BICDL1: variants seen among roughly 807,000 people sequenced by gnomAD.
BICDL1 encodes the protein BICD family like cargo adaptor 1, also known as BICD family-like cargo adapter 1.
A neutral mutation model predicts 76.8 loss-of-function variants in BICDL1; 20 were observed. That is an observed-to-expected ratio of 0.26 (90% CI 0.18 to 0.38). The LOEUF is 0.38. Among genes scored for constraint, BICDL1 ranks in the 10% least tolerant of loss-of-function variants. The pLI is 1.00. For synonymous variants in BICDL1, 383 were observed against 337.1 expected (o/e 1.14, Z -1.49); for missense variants, 700 against 798.6 (o/e 0.88, Z 1.49).
At chr12:120,064,239 A>C (rs1433023021) in intron 3 of BICDL1, among the ~76,000 whole-genome samples, 1 of 152,122 alleles carries the variant, frequency 6.6e-6, no homozygotes, top group African/African-American at 2.4e-5. Context: ...CTCTAGTGCC[A>C]GAGGGGCCAG....
intron 2 of BICDL1, among the ~76,000 whole-genome samples, chr12:120,009,881 T>C (rs185023986): frequency 1.7e-4 from 26 of 152,362 alleles, no homozygotes; most frequent in African/African-American, 5.5e-4. Flanking sequence ...TTTCTCTACA[T>C]TGGCATCTGG....
chr12:120,064,621 T>G (rs1953180195), intron 3 of BICDL1, 112 bp from the exon 4 acceptor site: 2 of 1,068,476 alleles, frequency 1.9e-6, no homozygotes, highest in Admixed American at 5.2e-5. Flanking sequence ...ACCGTGACAT[T>G]GGGCAGAATA....
intron 2 of BICDL1, among the ~76,000 whole-genome samples, chr12:120,028,089 C>T (rs1192024400): frequency 6.6e-6 from 1 of 152,150 alleles, no homozygotes; most frequent in Non-Finnish European, 1.5e-5. Context: ...TGAAGGCTAG[C>T]TGTTAAATGG....
At chr12:119,995,933 C>G (rs1223449887) in intron 1 of BICDL1, among the ~76,000 whole-genome samples, 1 of 151,634 alleles carries the variant, frequency 6.6e-6, no homozygotes, top group Non-Finnish European at 1.5e-5. Flanking sequence ...TTGCAGTGAG[C>G]CGAGATCATG....
intron 2 of BICDL1, among the ~76,000 whole-genome samples, chr12:120,032,935 T>C (rs1225702961): frequency 6.6e-6 from 1 of 151,724 alleles, no homozygotes; most frequent in Non-Finnish European, 1.5e-5. Context: ...TTAGTAGAGA[T>C]AGGGTTTCAC....
intron 1 of BICDL1, among the ~76,000 whole-genome samples, chr12:119,993,951 T>C (rs1264042075): frequency 6.6e-6 from 1 of 152,232 alleles, no homozygotes; most frequent in African/African-American, 2.4e-5. Context: ...TTTTAAAAAT[T>C]TCTTTTCATC....
chr12:119,999,786 C>G (rs1366371732), intron 2 of BICDL1: 1 of 445,432 alleles, frequency 2.2e-6, no homozygotes, highest in African/African-American at 2.0e-5. Context: ...ATTTACTATT[C>G]TACCTCAGCC....
At chr12:120,067,781 GA>G (rs1953252493) in intron 4 of BICDL1, among the ~76,000 whole-genome samples, 1 of 152,202 alleles carries the variant, frequency 6.6e-6, no homozygotes, top group Non-Finnish European at 1.5e-5. Context: ...AAATAATTGT[GA>G]AGCATTTTGC....
chr12:120,072,489 A>G (rs995313500), intron 5 of BICDL1, 22 bp from the exon 6 acceptor site: 33 of 1,611,712 alleles, frequency 2.0e-5, no homozygotes, highest in African/African-American at 9.3e-5. Flanking sequence ...TCTGAAATGA[A>G]TAGTAATTCT....
intron 2 of BICDL1, among the ~76,000 whole-genome samples, chr12:120,004,290 G>T (rs776849828): frequency 2.6e-5 from 4 of 152,036 alleles, no homozygotes; most frequent in Non-Finnish European, 4.4e-5. Context: ...CCTCTCCCCA[G>T]TTTCTCACAT....
intron 4 of BICDL1, among the ~76,000 whole-genome samples, chr12:120,065,636 G>C (rs1235201106): frequency 2.0e-5 from 3 of 152,202 alleles, no homozygotes; most frequent in Admixed American, 1.3e-4. Context: ...GGAGTGCATT[G>C]CTTCCCTTTG....
At chr12:120,045,636 G>A (rs1234196732) in intron 2 of BICDL1, among the ~76,000 whole-genome samples, 2 of 151,570 alleles carry the variant, frequency 1.3e-5, no homozygotes, top group Non-Finnish European at 2.9e-5. Flanking sequence ...GGATGAAATT[G>A]GAAATCATCA....
rs1268792865 is a variant in BICDL1 at position 120,094,368 on chromosome 12, G to GTAAA, written c.*1210_*1213dup. 9.0e-6 allele frequency: 4 copies of GTAAA among 445,078 alleles called. No individual in the cohort carries two copies. The highest frequency in any genetic ancestry group is 1.8e-5 in the Non-Finnish European group (4 of 219,978). The allele number at this position is 445,078 out of a possible 1,614,324, so 27.6% of individuals were successfully genotyped here. On this transcript the variant is annotated 3_prime_UTR_variant, in exon 10 of 10. Coordinates refer to ENST00000548673, the MANE Select transcript of BICDL1 (RefSeq NM_001367886.1). Reference sequence around the variant, plus strand: ...CTGTAATTTTGTATGTAGCAATCATGTAAATACATGTATGGATTTTATAAT... The same window carrying GTAAA: ...CTGTAATTTTGTATGTAGCAATCATGTAAATAAATACATGTATGGATTTTATAAT...
intron 2 of BICDL1, among the ~76,000 whole-genome samples, chr12:120,002,927 C>T (rs904380004): frequency 2.6e-5 from 4 of 152,078 alleles, no homozygotes; most frequent in East Asian, 3.8e-4. Flanking sequence ...GAGGCTAAGG[C>T]GGGCAGATCA....
chr12:120,059,505 A>C (rs1420540927), intron 2 of BICDL1, among the ~76,000 whole-genome samples: 4 of 151,556 alleles, frequency 2.6e-5, no homozygotes, highest in African/African-American at 9.7e-5. Context: ...TGAACTCCTG[A>C]CCTTGTGATC....
chr12:120,040,600 TAG>T (rs777626508), intron 2 of BICDL1, among the ~76,000 whole-genome samples: 169 of 152,120 alleles, frequency 1.1e-3, no homozygotes, highest in Non-Finnish European at 2.1e-3. Flanking sequence ...GTATTTCTTG[TAG>T]AGACAGTTTT....
At chr12:120,064,689 C>G in intron 3 of BICDL1, 44 bp from the exon 4 acceptor site, 1 of 1,556,326 alleles carries the variant, frequency 6.4e-7, no homozygotes. Context: ...CTTGTCAGCC[C>G]GGGTGTAACT....
intron 1 of BICDL1, among the ~76,000 whole-genome samples, chr12:119,997,732 T>A (rs544147909): frequency 5.3e-5 from 8 of 152,040 alleles, no homozygotes; most frequent in Non-Finnish European, 1.2e-4. Context: ...ATCTCTGGAG[T>A]TCTTTTCATC....
chr12:120,089,842 T>A (rs1874810804), intron 8 of BICDL1, 109 bp from the exon 9 acceptor site: 4 of 1,343,274 alleles, frequency 3.0e-6, no homozygotes, highest in Non-Finnish European at 3.1e-6. Flanking sequence ...TGTTGTGAGT[T>A]CAGGGTCAGA....
Sources: gnomAD v4.1 joint callset for allele counts (sites outside exome capture counted in the v4.1 genomes callset) on GRCh38, gnomAD v4.1.1 for gene constraint, MANE v1.5 for transcripts, NCBI Gene and HGNC (gene_info 2026-07-23, HGNC 2026-07-21) for gene names.